The following CEP95 variants were observed in gnomAD, a reference collection of about 807,000 sequenced individuals.
CEP95 encodes the protein centrosomal protein of 95 kDa.
A neutral mutation model predicts 111.2 loss-of-function variants in CEP95; 98 were observed. The observed-to-expected ratio is 0.88, with a 90% CI of 0.75 to 1.04. The LOEUF (loss-of-function observed/expected upper bound fraction) is 1.04, where lower values mean the gene tolerates loss of function less well. Ranked by LOEUF, CEP95 falls within the 50% of genes least tolerant of loss-of-function variation. The pLI is 0.00. For synonymous variants in CEP95, 323 were observed against 327.1 expected (o/e 0.99, Z 0.14); for missense variants, 1,027 against 977.2 (o/e 1.05, Z -0.68).
chr17:64,509,233 C>T (rs1373573652), intron 2 of CEP95, among the ~76,000 whole-genome samples: 1 of 152,200 alleles, frequency 6.6e-6, no homozygotes, highest in African/African-American at 2.4e-5. Flanking sequence ...CACCATCTCA[C>T]TATGTTCAAG....
At chr17:64,517,266 C>T (rs1396087687) in intron 5 of CEP95, among the ~76,000 whole-genome samples, 1 of 152,082 alleles carries the variant, frequency 6.6e-6, no homozygotes. Flanking sequence ...AGGCTGGCCT[C>T]GAACTCCTGA....
At chr17:64,523,307 G>A (rs1555678434) in intron 8 of CEP95, among the ~76,000 whole-genome samples, 1 of 152,140 alleles carries the variant, frequency 6.6e-6, no homozygotes. Context: ...GGAAGCTGAT[G>A]TAGAGAGGGC....
intron 3 of CEP95, among the ~76,000 whole-genome samples, chr17:64,513,815 A>G (rs2039008973): frequency 6.6e-6 from 1 of 152,168 alleles, no homozygotes; most frequent in Non-Finnish European, 1.5e-5. Context: ...CTTCTGAACA[A>G]ACCACCATTT....
intron 5 of CEP95, among the ~76,000 whole-genome samples, chr17:64,517,690 ATTTTTTTT>A (rs782455302): frequency 1.6e-5 from 2 of 124,514 alleles, no homozygotes; most frequent in African/African-American, 3.0e-5. Context: ...CACCTGGCTA[ATTTTTTTT>A]TTTTTTTTTT....
At position 64,531,059 on chromosome 17, in the gene CEP95, G is replaced by T. The variant is rs545997201; in HGVS notation, c.1539+41G>T. On this transcript the variant is annotated intron_variant, in intron 13 of 19. Coordinates refer to ENST00000556440, the MANE Select transcript of CEP95 (RefSeq NM_138363.3). ...CACTGTAATAAATGCCATTTGATCA[G>T]ATGAGTGGGAAGTACAAAGATGATC... 8.7e-6 allele frequency: 10 copies of T among 1,153,516 alleles called. No individual in the cohort carries two copies. In the African/African-American group the frequency reaches 9.3e-5, roughly 11 times the overall value. 71.5% of individuals were successfully genotyped at this position (1,153,516 alleles called of 1,614,324 possible).
intron 4 of CEP95, 95 bp from the exon 5 acceptor site, chr17:64,516,628 G>A: frequency 1.7e-6 from 1 of 589,598 alleles, no homozygotes; most frequent in East Asian, 2.9e-5. Context: ...CAAGTTAGGG[G>A]TGCCTCACTG....
At position 64,529,513 on chromosome 17, in the gene CEP95, T is replaced by C. The variant is rs1239275643; in HGVS notation, c.1446+86T>C. ...ATGCTACCATGAACATGCTGTTGAT[T>C]TAGGCTTAAAATACATTTAATATTC... On this transcript the variant is annotated intron_variant, in intron 12 of 19. Coordinates refer to ENST00000556440, the MANE Select transcript of CEP95 (RefSeq NM_138363.3). The C allele has an allele frequency of 3.6e-6, 5 of 1,383,394 alleles. No individual in the cohort carries two copies. In the Admixed American group the frequency reaches 1.0e-4, roughly 28 times the overall value. The allele number at this position is 1,383,394 out of a possible 1,614,324, so 85.7% of individuals were successfully genotyped here.
At chr17:64,527,604 G>T (rs1402571467) in intron 11 of CEP95, among the ~76,000 whole-genome samples, 4 of 151,860 alleles carry the variant, frequency 2.6e-5, no homozygotes, top group Admixed American at 1.3e-4. Context: ...TGCATTACTT[G>T]TCTAAACATA....
chr17:64,507,249 G>A lies in CEP95; in HGVS notation c.19+133G>A. Reference sequence around the variant, plus strand: ...CTTCAGACGCCGCGTCGCGCTGGCGGGTTCCCTGGATAGGGTCTCTCAGCT... The same window carrying A: ...CTTCAGACGCCGCGTCGCGCTGGCGAGTTCCCTGGATAGGGTCTCTCAGCT... On this transcript the variant is annotated intron_variant, in intron 1 of 19. Transcript: ENST00000556440. 10 of 1,516,806 alleles carry A rather than the reference G, an allele frequency of 6.6e-6. No individual in the cohort carries two copies. In the South Asian group the frequency reaches 1.2e-4, roughly 19 times the overall value. 94.0% of individuals were successfully genotyped at this position (1,516,806 alleles called of 1,614,324 possible). A position where few individuals can be genotyped will look rare whatever the true frequency, so the allele number is the denominator to read the frequency against.
intron 8 of CEP95, 90 bp downstream of exon 8, chr17:64,522,985 T>C (rs1967481550): frequency 2.4e-6 from 2 of 849,178 alleles, no homozygotes; most frequent in South Asian, 1.8e-5. Context: ...AGGCCGTGTG[T>C]GTGTATGTGT....
chr17:64,535,424 C>T (rs1361316638), intron 17 of CEP95: 1 of 153,930 alleles, frequency 6.5e-6, no homozygotes, highest in Non-Finnish European at 1.4e-5. Flanking sequence ...TGATCACTCC[C>T]CCTCCTCAGT....
chr17:64,511,190 T>C (rs2038872667), intron 3 of CEP95, among the ~76,000 whole-genome samples: 1 of 152,092 alleles, frequency 6.6e-6, no homozygotes, highest in Non-Finnish European at 1.5e-5. Flanking sequence ...CTAATGAAGT[T>C]TTGGGCACCA....
intron 7 of CEP95, 50 bp downstream of exon 7, chr17:64,521,577 G>A (rs1451462848): frequency 1.9e-6 from 3 of 1,568,784 alleles, no homozygotes; most frequent in East Asian, 4.6e-5. Context: ...CATTCTTGGG[G>A]CAATTGTTGT....
At chr17:64,527,571 T>C (rs1259351241) in intron 11 of CEP95, among the ~76,000 whole-genome samples, 1 of 152,182 alleles carries the variant, frequency 6.6e-6, no homozygotes, top group Non-Finnish European at 1.5e-5. Context: ...TTCTGATCCT[T>C]GTTTTTATAC....
intron 11 of CEP95, among the ~76,000 whole-genome samples, chr17:64,527,834 C>T (rs1158156228): frequency 1.4e-5 from 2 of 147,924 alleles, no homozygotes; most frequent in Admixed American, 1.4e-4. Flanking sequence ...TGACTGAGTT[C>T]TTGCAGTGTG....
chr17:64,527,411 C>A, intron 11 of CEP95, 147 bp downstream of exon 11: 1 of 553,854 alleles, frequency 1.8e-6, no homozygotes, highest in Non-Finnish European at 2.8e-6. Context: ...CTGGATCTTC[C>A]CCATCTAGAA....
chr17:64,514,484 A>G, intron 4 of CEP95, 126 bp downstream of exon 4: 1 of 531,748 alleles, frequency 1.9e-6, no homozygotes, highest in Non-Finnish European at 3.5e-6. Flanking sequence ...TGATAACCGT[A>G]GTTGTAAATT....
chr17:64,510,185 T>C lies in CEP95; in HGVS notation c.161T>C (p.Ile54Thr), dbSNP rs1478822981. The change falls in exon 3 of 20, where the codon ATT becomes ACT. Residue 54 changes from isoleucine to threonine, a missense_variant. Transcript: ENST00000556440. ...TTTCCCCCCCCAGACCTCATAGTTA[T>C]TCCTAGGAGTCAAGAAGATGATGCA... ...LGEKVPDLIV[I>T]PRSQEDDAHN... The C allele has an allele frequency of 3.7e-6, 6 of 1,604,646 alleles. No individual in the cohort carries two copies. In the African/African-American group the frequency reaches 4.0e-5, roughly 11 times the overall value.
At chr17:64,533,058 T>C (rs1047863936) in intron 15 of CEP95, 50 bp downstream of exon 15, 1 of 1,604,912 alleles carries the variant, frequency 6.2e-7, no homozygotes, top group African/African-American at 1.3e-5. Flanking sequence ...GAAGAGCTTA[T>C]CCTTAAGAAT....
Sources: allele counts gnomAD v4.1 joint callset (sites outside exome capture counted in the v4.1 genomes callset), GRCh38; gene constraint gnomAD v4.1.1; transcripts MANE v1.5; gene names NCBI Gene and HGNC (gene_info 2026-07-23, HGNC 2026-07-21).